The following GRIK1 variants were observed in gnomAD, a reference collection of about 807,000 sequenced individuals.
The protein encoded by GRIK1 is glutamate ionotropic receptor kainate type subunit 1.
A neutral mutation model predicts 105.7 loss-of-function variants in GRIK1; 69 were observed. That is an observed-to-expected ratio of 0.65 (90% CI 0.54 to 0.80). GRIK1 has a LOEUF of 0.80. Ranked by LOEUF, GRIK1 falls within the 30% of genes least tolerant of loss-of-function variation. The pLI, the probability that GRIK1 is intolerant of heterozygous loss-of-function variation, is 0.00. For missense variants in GRIK1, 1,109 were observed against 1,167.3 expected, an observed-to-expected ratio of 0.95 and a Z score of 0.73; for synonymous variants, 438 against 431.3, an observed-to-expected ratio of 1.02 and a Z score of -0.19.
At position 29,555,048 on chromosome 21, in the gene GRIK1, T is replaced by A. The variant is rs1302349384; in HGVS notation, c.2607+4A>T. The A allele has an allele frequency of 6.2e-7, 1 of 1,605,646 alleles. No homozygotes were observed. Among genetic ancestry groups the A allele is most frequent in the Non-Finnish European group, 8.5e-7 (1 of 1,172,964 alleles). ...CTAACCAGTCCTAGAAAGAGATGACTCACCTGTTCAATATCATTATTCTTC... is the reference window on the plus strand; with the variant it reads ...CTAACCAGTCCTAGAAAGAGATGACACACCTGTTCAATATCATTATTCTTC... On this transcript the variant is annotated splice_donor_region_variant and intron_variant, in intron 16 of 17. Coordinates refer to ENST00000327783, the MANE Select transcript of GRIK1 (RefSeq NM_001330994.2).
intron 4 of GRIK1, among the ~76,000 whole-genome samples, chr21:29,664,328 C>CCTACACAAA (rs894106712): frequency 6.6e-6 from 1 of 152,044 alleles, no homozygotes; most frequent in African/African-American, 2.4e-5. Context: ...TGTAGTTTTG[C>CCTACACAAA]CTACACAAAA....
intron 1 of GRIK1, among the ~76,000 whole-genome samples, chr21:29,708,063 A>G (rs1294456988): frequency 3.3e-5 from 5 of 152,230 alleles, no homozygotes; most frequent in Non-Finnish European, 7.3e-5. Flanking sequence ...GTAATGCTAC[A>G]GGGACCTGCA....
intron 1 of GRIK1, among the ~76,000 whole-genome samples, chr21:29,704,981 C>T (rs1601494165): frequency 6.6e-6 from 1 of 152,340 alleles, no homozygotes; most frequent in East Asian, 1.9e-4. Context: ...TTTAACATCT[C>T]ATTTAAATGA....
intron 16 of GRIK1, among the ~76,000 whole-genome samples, chr21:29,538,600 A>G (rs1049498325): frequency 2.6e-5 from 4 of 152,114 alleles, no homozygotes; most frequent in African/African-American, 9.7e-5. Context: ...TCCTCTAAAA[A>G]CCATAGCCTT....
At chr21:29,801,701 G>A (rs912517435) in intron 1 of GRIK1, among the ~76,000 whole-genome samples, 1 of 152,076 alleles carries the variant, frequency 6.6e-6, no homozygotes, top group Non-Finnish European at 1.5e-5. Context: ...AAAACTATAT[G>A]TATATAAGAA....
At chr21:29,636,073 A>C (rs1432474219) in intron 7 of GRIK1, among the ~76,000 whole-genome samples, 1 of 152,174 alleles carries the variant, frequency 6.6e-6, no homozygotes. Context: ...TGTCCTGTTT[A>C]TTTTTGAGCC....
intron 1 of GRIK1, among the ~76,000 whole-genome samples, chr21:29,935,370 A>G (rs966692379): frequency 1.3e-5 from 2 of 152,194 alleles, no homozygotes; most frequent in African/African-American, 4.8e-5. Flanking sequence ...TACATCCTGC[A>G]ATTTTCTAAG....
intron 7 of GRIK1, among the ~76,000 whole-genome samples, chr21:29,642,074 T>C (rs1202978703): frequency 6.6e-6 from 1 of 152,190 alleles, no homozygotes; most frequent in East Asian, 1.9e-4. Flanking sequence ...GCCTAGCTAC[T>C]CCAAAGAGCC....
At chr21:29,778,319 T>G (rs922005526) in intron 1 of GRIK1, among the ~76,000 whole-genome samples, 3 of 152,220 alleles carry the variant, frequency 2.0e-5, no homozygotes, top group African/African-American at 4.8e-5. Flanking sequence ...TAAAGCCGAT[T>G]TGTTGTTTTC....
chr21:29,629,750 A>G (rs1245784435), intron 7 of GRIK1, among the ~76,000 whole-genome samples: 1 of 152,078 alleles, frequency 6.6e-6, no homozygotes, highest in African/African-American at 2.4e-5. Context: ...CGGCCTCCCA[A>G]AGTGCTGGGA....
chr21:29,557,335 T>G (rs1351629470), intron 15 of GRIK1, among the ~76,000 whole-genome samples: 1 of 152,208 alleles, frequency 6.6e-6, no homozygotes, highest in African/African-American at 2.4e-5. Context: ...CCAGTCCACT[T>G]ACAGTTCAGT....
At chr21:29,701,110 T>C (rs2063803924) in intron 1 of GRIK1, among the ~76,000 whole-genome samples, 1 of 152,236 alleles carries the variant, frequency 6.6e-6, no homozygotes, top group African/African-American at 2.4e-5. Context: ...TTCTACTGAA[T>C]AACTCGCTCA....
intron 1 of GRIK1, among the ~76,000 whole-genome samples, chr21:29,878,046 G>T (rs1477325113): frequency 6.6e-6 from 1 of 152,150 alleles, no homozygotes; most frequent in Admixed American, 6.5e-5. Flanking sequence ...ATTTGAAAAA[G>T]GTCCTTAGGA....
intron 1 of GRIK1, among the ~76,000 whole-genome samples, chr21:29,843,544 A>G (rs1041493114): frequency 6.6e-6 from 1 of 152,114 alleles, no homozygotes; most frequent in East Asian, 1.9e-4. Context: ...TTTTTTTTAA[A>G]TGTAAAAGGC....
chr21:29,900,462 GAAAA>G (rs796090417), intron 1 of GRIK1, among the ~76,000 whole-genome samples: 2 of 76,934 alleles, frequency 2.6e-5, no homozygotes, highest in Admixed American at 1.5e-4. Flanking sequence ...TGGAAAGCAA[GAAAA>G]AAAAAAAAAA....
intron 6 of GRIK1, among the ~76,000 whole-genome samples, chr21:29,650,829 A>G (rs2062719282): frequency 6.6e-6 from 1 of 152,204 alleles, no homozygotes; most frequent in South Asian, 2.1e-4. Flanking sequence ...CCACATTCCT[A>G]GAATAAAATG....
At chr21:29,899,541 CT>C (rs59280454) in intron 1 of GRIK1, among the ~76,000 whole-genome samples, 9,194 of 145,992 alleles carry the variant, frequency 0.063, 322 homozygotes, top group Non-Finnish European at 0.073. Flanking sequence ...GCTGCTTTAC[CT>C]TTTTTTTTTT....
chr21:29,883,699 G>A (rs1312655995), intron 1 of GRIK1, among the ~76,000 whole-genome samples: 2 of 151,930 alleles, frequency 1.3e-5, no homozygotes, highest in Non-Finnish European at 2.9e-5. Flanking sequence ...GAATGGGAAT[G>A]GAAAGACTGG....
At chr21:29,828,110 T>C (rs1157775873) in intron 1 of GRIK1, among the ~76,000 whole-genome samples, 1 of 151,860 alleles carries the variant, frequency 6.6e-6, no homozygotes, top group Non-Finnish European at 1.5e-5. Context: ...CGGGGCTTTC[T>C]AGACAACAAA....
Sources: allele counts gnomAD v4.1 joint callset (sites outside exome capture counted in the v4.1 genomes callset), GRCh38; gene constraint gnomAD v4.1.1; transcripts MANE v1.5; gene names NCBI Gene and HGNC (gene_info 2026-07-23, HGNC 2026-07-21).